ZNF718: variants seen among roughly 807,000 people sequenced by gnomAD.
The protein encoded by ZNF718 is zinc finger protein 718.
ZNF718 carries 3 observed loss-of-function variants against 2.6 expected under a neutral mutation model. That is an observed-to-expected ratio of 1.16 (90% CI 0.53 to 3.01). The LOEUF (loss-of-function observed/expected upper bound fraction) is 3.01, where lower values mean the gene tolerates loss of function less well. ZNF718 is among the 30% of genes most tolerant of loss of function. ZNF718 has a pLI of 0.03. For synonymous variants in ZNF718, 135 were observed against 77.9 expected (o/e 1.73, Z -3.86); for missense variants, 468 against 230.0 (o/e 2.03, Z -6.69).
chr4:140,115 T>C (rs1406533966), intron 3 of ZNF718, among the ~76,000 whole-genome samples: 1 of 152,106 alleles, frequency 6.6e-6, no homozygotes, highest in Non-Finnish European at 1.5e-5. Context: ...AACCTTCTTA[T>C]GCTAAATTCT....
intron 3 of ZNF718, among the ~76,000 whole-genome samples, chr4:177,981 AC>A (rs1553819311): frequency 6.6e-6 from 1 of 152,116 alleles, no homozygotes. Flanking sequence ...GACGGGAAAT[AC>A]CTGTGAAGAA....
In ZNF718 at chr4:136,413, A is replaced by G. The variant is rs1553809339; in HGVS notation, c.226+4908A>G. On this transcript the variant is annotated intron_variant, in intron 3 of 3. Transcript: ENST00000510175. ...GTCTCCTTGCAGGTCTCTTGATAGG[A>G]AGGACCACTTGTGTACTGTAGCTGA... 3 of 520,736 alleles carry G rather than the reference A, an allele frequency of 5.8e-6. No individual in the cohort carries two copies. The Admixed American group carries it at 5.8e-5, about 10-fold the overall frequency. 32.3% of individuals were successfully genotyped at this position (520,736 alleles called of 1,614,324 possible).
At chr4:143,662 C>T (rs1352492114) in intron 3 of ZNF718, among the ~76,000 whole-genome samples, 1 of 152,124 alleles carries the variant, frequency 6.6e-6, no homozygotes, top group Non-Finnish European at 1.5e-5. Flanking sequence ...AACAAACATT[C>T]TTAACAGCAT....
chr4:164,727 G>T (rs1460911906), downstream of ZNF718, among the ~76,000 whole-genome samples: 1 of 152,064 alleles, frequency 6.6e-6, no homozygotes, highest in Non-Finnish European at 1.5e-5. Flanking sequence ...AAGCTGTTTA[G>T]TTACTGTTCC....
At chr4:200,982 G>A (rs560356832) in intron 3 of ZNF718, 18 of 152,446 alleles carry the variant, frequency 1.2e-4, no homozygotes, top group Admixed American at 3.3e-4. Flanking sequence ...AATTTGACAC[G>A]CAGATACATT....
At chr4:171,056 C>T (rs1205930033) in intron 3 of ZNF718, among the ~76,000 whole-genome samples, 1 of 152,120 alleles carries the variant, frequency 6.6e-6, no homozygotes, top group Non-Finnish European at 1.5e-5. Context: ...GTTAGTTTTC[C>T]TTCTAACAGT....
At chr4:144,168 G>T (rs1428877917) in intron 3 of ZNF718, among the ~76,000 whole-genome samples, 1 of 152,178 alleles carries the variant, frequency 6.6e-6, no homozygotes, top group Non-Finnish European at 1.5e-5. Context: ...GGGGGCCTTC[G>T]AGCCCCTATG....
In ZNF718 at chr4:131,021, T is replaced by C; in HGVS notation, c.130+107T>C. 1.3e-5 allele frequency: 3 copies of C among 226,768 alleles called. 1 individual carries two copies. The highest frequency in any genetic ancestry group is 2.4e-5 in the Non-Finnish European group (3 of 124,746). The allele number at this position is 226,768 out of a possible 1,614,324, so 14.0% of individuals were successfully genotyped here. A position where few individuals can be genotyped will look rare whatever the true frequency, so the allele number is the denominator to read the frequency against. On this transcript the variant is annotated intron_variant, in intron 2 of 3. Transcript: ENST00000510175. The stretch of plus-strand genomic sequence containing the variant: ...TCTGCTTTGCATGAATTAATTTCAG[T>C]TCCTTCACGAAAAAGTTGGGAGTTT...
At chr4:144,308 T>C (rs1430870981) in intron 3 of ZNF718, among the ~76,000 whole-genome samples, 5 of 152,248 alleles carry the variant, frequency 3.3e-5, no homozygotes, top group African/African-American at 1.2e-4. Flanking sequence ...GGTAACAATA[T>C]ATTCCTGACA....
intron 3 of ZNF718, among the ~76,000 whole-genome samples, chr4:140,914 C>T (rs1715784403): frequency 6.6e-6 from 1 of 152,092 alleles, no homozygotes; most frequent in South Asian, 2.1e-4. Context: ...ATATAAATGC[C>T]TTCATAATTA....
chr4:171,907 T>TG (rs1427962947), intron 3 of ZNF718, among the ~76,000 whole-genome samples: 4 of 152,222 alleles, frequency 2.6e-5, no homozygotes, highest in African/African-American at 9.6e-5. Flanking sequence ...CAGTTGGAAA[T>TG]GCAGAAATCA....
chr4:175,049 G>C (rs1717320301), intron 3 of ZNF718, among the ~76,000 whole-genome samples: 1 of 152,302 alleles, frequency 6.6e-6, no homozygotes, highest in South Asian at 2.1e-4. Flanking sequence ...CTATGCCTTA[G>C]TTTTATTGAA....
chr4:133,854 A>G (rs1316858221), intron 3 of ZNF718, among the ~76,000 whole-genome samples: 3 of 152,254 alleles, frequency 2.0e-5, no homozygotes, highest in Admixed American at 1.3e-4. Context: ...TATACATTGT[A>G]AAATAAAATA....
chr4:159,874 A>G (rs782228911), intron 3 of ZNF718, among the ~76,000 whole-genome samples: 6 of 152,152 alleles, frequency 3.9e-5, no homozygotes, highest in South Asian at 2.1e-4. Flanking sequence ...ACTAAAAGCT[A>G]TTTGTCACAA....
chr4:172,394 G>T (rs1717257396), intron 3 of ZNF718, among the ~76,000 whole-genome samples: 1 of 152,052 alleles, frequency 6.6e-6, no homozygotes, highest in South Asian at 2.1e-4. Context: ...CTCATGTAAT[G>T]AAAATACATT....
chr4:166,598 C>G (rs530979040), downstream of ZNF718, among the ~76,000 whole-genome samples: 2 of 152,250 alleles, frequency 1.3e-5, no homozygotes, highest in South Asian at 4.1e-4. Flanking sequence ...CTCTGATGGC[C>G]AGTGATGATG....
intron 3 of ZNF718, among the ~76,000 whole-genome samples, chr4:193,445 A>G (rs968186817): frequency 6.6e-6 from 1 of 152,014 alleles, no homozygotes; most frequent in South Asian, 2.1e-4. Context: ...CTGTATATAG[A>G]TTTACCCTTT....
chr4:193,504 G>A (rs1717734345), intron 3 of ZNF718, among the ~76,000 whole-genome samples: 1 of 152,146 alleles, frequency 6.6e-6, no homozygotes, highest in African/African-American at 2.4e-5. Context: ...TTGCTAGGAT[G>A]TCTCTCCCTA....
At chr4:149,943 T>G (rs1204762582) in intron 3 of ZNF718, 1 of 152,170 alleles carries the variant, frequency 6.6e-6, no homozygotes, top group Non-Finnish European at 1.5e-5. Flanking sequence ...GTTAAGTATA[T>G]TTACATTATA....
Sources: allele counts gnomAD v4.1 joint callset (sites outside exome capture counted in the v4.1 genomes callset), GRCh38; gene constraint gnomAD v4.1.1; transcripts MANE v1.5; gene names NCBI Gene and HGNC (gene_info 2026-07-23, HGNC 2026-07-21).